DOK7: variants seen among roughly 807,000 people sequenced by gnomAD.
The protein encoded by DOK7 is protein Dok-7.
A neutral mutation model predicts 30.7 loss-of-function variants in DOK7; 32 were observed. The observed-to-expected ratio is 1.04, with a 90% CI of 0.79 to 1.40. DOK7 has a LOEUF of 1.40. Ranked by LOEUF, DOK7 falls within the 40% of genes most tolerant of loss-of-function variation. DOK7 has a pLI of 0.00. For missense variants in DOK7, 1,007 were observed against 699.2 expected (o/e 1.44, Z -4.97); for synonymous variants, 447 against 324.1 (o/e 1.38, Z -4.07).
chr4:3,480,280 G>A (rs1560215835), intron 4 of DOK7, among the ~76,000 whole-genome samples: 1 of 152,172 alleles, frequency 6.6e-6, no homozygotes, highest in Non-Finnish European at 1.5e-5. Context: ...GGGGCCGCCC[G>A]GAGCATTTGA....
chr4:3,492,681 G>C (rs1375062868), intron 6 of DOK7, 78 bp from the exon 7 acceptor site: 2 of 1,585,354 alleles, frequency 1.3e-6, no homozygotes, highest in African/African-American at 2.7e-5. Context: ...TGGCCTGTGG[G>C]GGTCCACCAG....
chr4:3,486,148 G>A (rs1434737283), intron 5 of DOK7, among the ~76,000 whole-genome samples: 1 of 152,106 alleles, frequency 6.6e-6, no homozygotes, highest in Non-Finnish European at 1.5e-5. Context: ...TGGGGTCTCA[G>A]GACACGTTGG....
rs73080946 is a variant in DOK7, at chr4:3,485,469, T to C, written c.533-70T>C. 63,595 of 1,431,166 alleles carry C rather than the reference T, an allele frequency of 0.044. 2,860 individuals carry two copies. The highest frequency in any genetic ancestry group is 0.22 in the African/African-American group (15,063 of 68,228). The allele number at this position is 1,431,166 out of a possible 1,614,324, so 88.7% of individuals were successfully genotyped here. A position where few individuals can be genotyped will look rare whatever the true frequency, so the allele number is the denominator to read the frequency against. Reference sequence around the variant, plus strand: ...TGGTGGAGTTTGCTGCGGTTTCCTGTGTTCCTCCTCTTCAGGGTCCCCAGC... The same window carrying C: ...TGGTGGAGTTTGCTGCGGTTTCCTGCGTTCCTCCTCTTCAGGGTCCCCAGC... On this transcript the variant is annotated intron_variant, in intron 4 of 6. Transcript: ENST00000340083.
downstream of DOK7, among the ~76,000 whole-genome samples, chr4:3,498,858 G>C (rs146548921): frequency 6.6e-6 from 1 of 152,246 alleles, no homozygotes; most frequent in African/African-American, 2.4e-5. Context: ...GCAGGGTTGG[G>C]GCAGAATTGT....
At chr4:3,476,276 C>A in intron 3 of DOK7, 66 bp from the exon 4 acceptor site, 1 of 1,138,984 alleles carries the variant, frequency 8.8e-7, no homozygotes, top group Non-Finnish European at 1.2e-6. Flanking sequence ...CCCTCTCACC[C>A]CACCCGCCCG....
chr4:3,493,244 C>T lies in DOK7; in HGVS notation c.1258C>T (p.Pro420Ser), dbSNP rs150497723. The change falls in exon 7 of 7, where the codon CCC becomes TCC. Residue 420 changes from proline to serine, a missense_variant. Coordinates refer to ENST00000340083, the MANE Select transcript of DOK7 (RefSeq NM_173660.5). ...TTGCCTGGCTCCTAGAGACCACAGC[C>T]CCCCCTCACAGGGCAGCCCCGGCAA... ...SLCLAPRDHS[P>S]PSQGSPGNSA... is the part of the protein sequence containing the mutation. 4.3e-5 allele frequency: 69 copies of T among 1,611,912 alleles called. No homozygotes were observed. The Admixed American group carries it at 8.5e-4, about 20-fold the overall frequency.
At chr4:3,490,086 CCTCATTCATTCCTTTCTTCACCCCCA>C (rs1466274607) in intron 6 of DOK7, among the ~76,000 whole-genome samples, 1 of 45,388 alleles carries the variant, frequency 2.2e-5, no homozygotes, top group Non-Finnish European at 4.0e-5. Context: ...TTCTTCACCC[CCTCATTCATTCCTTTCTTCACCCCCA>C]TTCATTCCTT....
downstream of DOK7, among the ~76,000 whole-genome samples, chr4:3,497,908 T>C (rs1450142457): frequency 6.6e-5 from 10 of 152,168 alleles, no homozygotes; most frequent in Non-Finnish European, 1.0e-4. Flanking sequence ...GGCAGCCTGC[T>C]GTTGCCTCCC....
chr4:3,490,407 A>ATTCATTCCTTTCTTCT (rs1728224430), intron 6 of DOK7, among the ~76,000 whole-genome samples: 1 of 7,156 alleles, frequency 1.4e-4, no homozygotes. Flanking sequence ...TCCTTCTTTC[A>ATTCATTCCTTTCTTCT]CCCCCCCCAC....
exon 8 of DOK7, chr4:3,500,696 T>A (rs999572597): frequency 6.5e-7 from 1 of 1,535,652 alleles, no homozygotes; most frequent in African/African-American, 1.4e-5. Flanking sequence ...TTTCAGGGGC[T>A]GGCGCCTCCC....
intron 6 of DOK7, among the ~76,000 whole-genome samples, chr4:3,491,955 A>G (rs1034396230): frequency 6.6e-6 from 1 of 152,326 alleles, no homozygotes; most frequent in Non-Finnish European, 1.5e-5. Context: ...CTTGTCCCCC[A>G]GAGGGCACCA....
chr4:3,489,845 G>A lies in DOK7; in HGVS notation c.772+49G>A, dbSNP rs764724420. 3.9e-6 allele frequency: 6 copies of A among 1,553,496 alleles called. No homozygotes were observed. In the African/African-American group the frequency reaches 8.2e-5, roughly 21 times the overall value. ...CTGTGGGACCTCGGCTAAGCCTCCA[G>A]CAGGAGAGCTCAGGAGGCATCCATG... is the stretch of plus-strand genomic sequence containing the variant. On this transcript the variant is annotated intron_variant, in intron 6 of 6. Transcript: ENST00000340083.
rs1338434583 is a variant in DOK7, at chr4:3,493,594, C to CTG, written c.*97_*98dup. 6.5e-7 allele frequency: 1 copy of CTG among 1,540,604 alleles called. No homozygotes were observed. Among genetic ancestry groups the CTG allele is most frequent in the Non-Finnish European group, 8.8e-7 (1 of 1,141,996 alleles). Reference sequence around the variant, plus strand: ...GCCAGCCTCCTTGCAGACTGGTGCTCTGTGTTCTGTGGGAGGGACCGGGGG... The same window carrying CTG: ...GCCAGCCTCCTTGCAGACTGGTGCTCTGTGTGTTCTGTGGGAGGGACCGGGGG... On this transcript the variant is annotated 3_prime_UTR_variant, in exon 7 of 7. Transcript: ENST00000340083.
chr4:3,500,985 T>C, exon 8 of DOK7: 1 of 1,196,174 alleles, frequency 8.4e-7, no homozygotes, highest in Non-Finnish European at 1.1e-6. Context: ...AAACAGGAAG[T>C]TTTCAGGGCC....
chr4:3,496,505 G>C (rs1353168836), downstream of DOK7, among the ~76,000 whole-genome samples: 1 of 152,240 alleles, frequency 6.6e-6, no homozygotes, highest in East Asian at 1.9e-4. Flanking sequence ...AAATAGTGGG[G>C]CTGGACTGGG....
In DOK7 at chr4:3,493,853, C is replaced by A; in HGVS notation, c.*352C>A. 2 of 1,168,242 alleles carry A rather than the reference C, an allele frequency of 1.7e-6. No homozygotes were observed. The highest frequency in any genetic ancestry group is 2.1e-6 in the Non-Finnish European group (2 of 945,402). The allele number at this position is 1,168,242 out of a possible 1,614,324, so 72.4% of individuals were successfully genotyped here. ...GGGTGCCAAGGGCTGGAGGCCCTGCCGCTGGCCTTGTCCTCCTTGGGCCTC... is the reference window on the plus strand; with the variant it reads ...GGGTGCCAAGGGCTGGAGGCCCTGCAGCTGGCCTTGTCCTCCTTGGGCCTC... On this transcript the variant is annotated 3_prime_UTR_variant, in exon 7 of 7. Coordinates refer to ENST00000340083, the MANE Select transcript of DOK7 (RefSeq NM_173660.5).
intron 5 of DOK7, 143 bp downstream of exon 5, chr4:3,485,801 G>T: frequency 7.8e-7 from 1 of 1,286,814 alleles, no homozygotes; most frequent in African/African-American, 1.5e-5. Context: ...AACCTTTCCA[G>T]GCCAGGATTG....
rs966906656 is a variant in DOK7, at chr4:3,470,430, T to G, written c.101-2976T>G. Among the ~76,000 whole-genome samples the G allele has an allele frequency of 2.0e-5, 3 of 152,144 alleles. No homozygotes were observed. In the East Asian group the frequency reaches 5.8e-4, roughly 29 times the overall value. ...TTTCAGGCGTTCCCAAGGTGCAGGA[T>G]GTGAGTCTGCATTTGTAGACAGAGT... On this transcript the variant is annotated intron_variant, in intron 2 of 6. Coordinates refer to ENST00000340083, the MANE Select transcript of DOK7 (RefSeq NM_173660.5).
chr4:3,493,554 G>C lies in DOK7; in HGVS notation c.*53G>C, dbSNP rs1349499302. On this transcript the variant is annotated 3_prime_UTR_variant, in exon 7 of 7. Coordinates refer to ENST00000340083, the MANE Select transcript of DOK7 (RefSeq NM_173660.5). ...AAAGGGGCTGAATTTGCCCCCAGATGGCAGAGGAAGTGGCGCCAGCCTCCT... is the reference window on the plus strand; with the variant it reads ...AAAGGGGCTGAATTTGCCCCCAGATCGCAGAGGAAGTGGCGCCAGCCTCCT... 5.0e-6 allele frequency: 8 copies of C among 1,590,516 alleles called. No individual in the cohort carries two copies. The highest frequency in any genetic ancestry group is 6.8e-6 in the Non-Finnish European group (8 of 1,168,658).
Sources: allele counts gnomAD v4.1 joint callset (sites outside exome capture counted in the v4.1 genomes callset), GRCh38; gene constraint gnomAD v4.1.1; transcripts MANE v1.5; gene names NCBI Gene and HGNC (gene_info 2026-07-23, HGNC 2026-07-21).